The following NALF1 variants were observed in gnomAD, a reference collection of about 807,000 sequenced individuals.
NALF1 encodes the protein family with sequence similarity 155 member A.
Under a neutral mutation model 48.4 loss-of-function variants are expected in NALF1, and 3 were observed. The ratio of observed to expected loss-of-function variants is 0.06; its 90% confidence interval spans 0.03 to 0.16. The LOEUF is 0.16. NALF1 is among the 10% of genes least tolerant of loss of function. The pLI is 1.00. For missense variants in NALF1, 526 were observed against 571.5 expected (o/e 0.92, Z 0.81); for synonymous variants, 262 against 245.7 (o/e 1.07, Z -0.62).
chr13:107,625,304 C>T (rs1879639471), intron 1 of NALF1, among the ~76,000 whole-genome samples: 1 of 152,034 alleles, frequency 6.6e-6, no homozygotes. Context: ...ACGAAAAGCA[C>T]CTTAATGATT....
intron 1 of NALF1, among the ~76,000 whole-genome samples, chr13:107,818,991 G>C (rs1435363015): frequency 2.0e-5 from 3 of 151,400 alleles, no homozygotes; most frequent in Non-Finnish European, 2.9e-5. Context: ...TAAAACATGA[G>C]AGCCTGACTA....
intron 1 of NALF1, among the ~76,000 whole-genome samples, chr13:107,621,295 A>G (rs975818240): frequency 2.0e-5 from 3 of 152,202 alleles, no homozygotes; most frequent in African/African-American, 7.2e-5. Flanking sequence ...TCTAGTATTA[A>G]TATTACTTCA....
intron 2 of NALF1, among the ~76,000 whole-genome samples, chr13:107,191,606 T>G (rs1347205989): frequency 1.3e-5 from 2 of 152,118 alleles, no homozygotes; most frequent in Admixed American, 6.5e-5. Flanking sequence ...TCCACGACTT[T>G]CACAGTGTTG....
At chr13:107,649,750 G>T (rs1880400146) in intron 1 of NALF1, among the ~76,000 whole-genome samples, 1 of 152,152 alleles carries the variant, frequency 6.6e-6, no homozygotes, top group South Asian at 2.1e-4. Flanking sequence ...CAATATAACT[G>T]AGATAGTACA....
At chr13:107,650,414 A>C (rs1235819482) in intron 1 of NALF1, among the ~76,000 whole-genome samples, 1 of 151,674 alleles carries the variant, frequency 6.6e-6, no homozygotes, top group East Asian at 1.9e-4. Flanking sequence ...AAAAAGGAAC[A>C]AATTAACAGC....
intron 2 of NALF1, among the ~76,000 whole-genome samples, chr13:107,205,675 T>A: frequency 6.6e-6 from 1 of 152,228 alleles, no homozygotes; most frequent in Non-Finnish European, 1.5e-5. Context: ...ATATGTTTTA[T>A]CTCCATTGTC....
At chr13:107,698,762 A>C (rs562926179) in intron 1 of NALF1, among the ~76,000 whole-genome samples, 1 of 152,212 alleles carries the variant, frequency 6.6e-6, no homozygotes, top group African/African-American at 2.4e-5. Context: ...TTTATAGCTA[A>C]GTGTGGCCCT....
intron 1 of NALF1, among the ~76,000 whole-genome samples, chr13:107,507,153 A>T (rs1875722567): frequency 6.6e-6 from 1 of 152,120 alleles, no homozygotes; most frequent in Non-Finnish European, 1.5e-5. Context: ...GTTGTTTTCC[A>T]GGGAGAAAAT....
intron 2 of NALF1, among the ~76,000 whole-genome samples, chr13:107,210,354 C>T (rs1879735635): frequency 6.6e-6 from 1 of 152,182 alleles, no homozygotes. Context: ...TTCTTTCACA[C>T]AGTGAATAAC....
rs546078439 is a variant in NALF1 at position 107,186,461 on chromosome 13, G to A, written c.1088-15675C>T. Among the ~76,000 whole-genome samples the A allele has an allele frequency of 8.5e-5, 13 of 152,182 alleles. No homozygotes were observed. In the East Asian group the frequency reaches 1.6e-3, roughly 18 times the overall value. On this transcript the variant is annotated intron_variant, in intron 2 of 2. Coordinates refer to ENST00000375915, the MANE Select transcript of NALF1 (RefSeq NM_001080396.3). ...CGGCTCACGGCAACCTCTGCCTCCC[G>A]GGTTCAAGCGATTCTCTTGCCTCAG... is the stretch of plus-strand genomic sequence containing the variant.
intron 1 of NALF1, among the ~76,000 whole-genome samples, chr13:107,285,845 A>T (rs11620588): frequency 1.6e-4 from 24 of 152,114 alleles, no homozygotes; most frequent in Non-Finnish European, 3.1e-4. Context: ...ATAATATGTG[A>T]AAGTGTCCAA....
chr13:107,841,881 C>T (rs766422268), intron 1 of NALF1, among the ~76,000 whole-genome samples: 11 of 151,482 alleles, frequency 7.3e-5, no homozygotes, highest in South Asian at 2.1e-4. Context: ...GAAAATCATA[C>T]GGAGAAATAT....
At chr13:107,282,078 T>C (rs951024909) in intron 1 of NALF1, among the ~76,000 whole-genome samples, 2 of 152,184 alleles carry the variant, frequency 1.3e-5, no homozygotes. Flanking sequence ...TGAGCTGGTG[T>C]GCCTGCATGA....
At chr13:107,307,338 G>T (rs553385277) in intron 1 of NALF1, among the ~76,000 whole-genome samples, 1 of 152,164 alleles carries the variant, frequency 6.6e-6, no homozygotes, top group Admixed American at 6.5e-5. Flanking sequence ...AGGGAAAGAG[G>T]AAAGTTATAG....
At chr13:107,718,198 C>T (rs1259788305) in intron 1 of NALF1, among the ~76,000 whole-genome samples, 1 of 152,214 alleles carries the variant, frequency 6.6e-6, no homozygotes, top group East Asian at 1.9e-4. Flanking sequence ...AGATTTCTGA[C>T]CTTGATGTTC....
chr13:107,701,771 T>C (rs553595808), intron 1 of NALF1, among the ~76,000 whole-genome samples: 3 of 152,346 alleles, frequency 2.0e-5, no homozygotes, highest in South Asian at 4.1e-4. Context: ...AGATGATAGA[T>C]ATATCGATTT....
intron 1 of NALF1, among the ~76,000 whole-genome samples, chr13:107,338,707 C>A (rs1882607328): frequency 6.6e-6 from 1 of 152,112 alleles, no homozygotes; most frequent in African/African-American, 2.4e-5. Flanking sequence ...GGATTAACTT[C>A]TATTATTATT....
chr13:107,468,579 T>C (rs1369366585), intron 1 of NALF1, among the ~76,000 whole-genome samples: 1 of 152,212 alleles, frequency 6.6e-6, no homozygotes, highest in African/African-American at 2.4e-5. Flanking sequence ...AGTAAATCAA[T>C]TTCTATTTTC....
At chr13:107,204,056 G>A (rs1439358599) in intron 2 of NALF1, among the ~76,000 whole-genome samples, 1 of 145,592 alleles carries the variant, frequency 6.9e-6, no homozygotes, top group Admixed American at 6.7e-5. Context: ...GAGGCAGAGA[G>A]GGGCGCCCAC....
Sources: allele counts gnomAD v4.1 joint callset (sites outside exome capture counted in the v4.1 genomes callset), GRCh38; gene constraint gnomAD v4.1.1; transcripts MANE v1.5; gene names NCBI Gene and HGNC (gene_info 2026-07-23, HGNC 2026-07-21).